ATP8A1: variants seen among roughly 807,000 people sequenced by gnomAD.
ATP8A1 encodes phospholipid-transporting ATPase IA.
ATP8A1 carries 90 observed loss-of-function variants against 177.7 expected under a neutral mutation model. The ratio of observed to expected loss-of-function variants is 0.51; its 90% CI spans 0.43 to 0.60. The LOEUF is 0.60. Among genes scored for constraint, ATP8A1 ranks in the 20% least tolerant of loss-of-function variants. The pLI, the probability that ATP8A1 is intolerant of heterozygous loss-of-function variation, is 0.00. For missense variants in ATP8A1, 1,072 were observed against 1,392.8 expected, an observed-to-expected ratio of 0.77 and a Z score of 3.67; for synonymous variants, 493 against 485.9, an observed-to-expected ratio of 1.01 and a Z score of -0.19.
chr4:42,408,477 C>A lies in ATP8A1; in HGVS notation c.*4439G>T, dbSNP rs1712228485. The A allele has an allele frequency of 1.3e-5, 2 of 152,148 alleles. No individual in the cohort carries two copies. The highest frequency in any genetic ancestry group is 4.8e-5 in the African/African-American group (2 of 41,452). 9.4% of individuals were successfully genotyped at this position (152,148 alleles called of 1,614,324 possible). A position where few individuals can be genotyped will look rare whatever the true frequency, so the allele number is the denominator to read the frequency against. ...GCACATTCACAAAAGGCCAATGACA[C>A]ATAACACTGCATAGAAATAATATTA... is the stretch of plus-strand genomic sequence containing the variant. On this transcript the variant is annotated 3_prime_UTR_variant, in exon 37 of 37. Transcript: ENST00000381668.
At chr4:42,430,850 A>G (rs560908579) in intron 33 of ATP8A1, among the ~76,000 whole-genome samples, 436 of 152,150 alleles carry the variant, frequency 2.9e-3, no homozygotes, top group African/African-American at 8.9e-3. Context: ...GTCTATTTCC[A>G]TCTGGAATTT....
chr4:42,419,525 T>C (rs11726116), intron 35 of ATP8A1, among the ~76,000 whole-genome samples: 57,394 of 152,036 alleles, frequency 0.38, 11,156 homozygotes, highest in African/African-American at 0.46. Flanking sequence ...GAATCTACAT[T>C]GGGTTTGGAA....
intron 20 of ATP8A1, among the ~76,000 whole-genome samples, chr4:42,534,726 A>G (rs6849160): frequency 0.077 from 11,693 of 152,256 alleles, 591 homozygotes; most frequent in African/African-American, 0.14. Flanking sequence ...ATCTAAAGTC[A>G]AGATGAAGAA....
chr4:42,507,729 C>CAAAAAAAAAA (rs34269384), intron 22 of ATP8A1, among the ~76,000 whole-genome samples: 9 of 8,914 alleles, frequency 1.0e-3, no homozygotes, highest in Admixed American at 6.8e-3. Flanking sequence ...GACTCCATCT[C>CAAAAAAAAAA]AAAAAAAAAA....
chr4:42,544,290 G>A (rs898040350), intron 19 of ATP8A1, among the ~76,000 whole-genome samples: 4 of 151,938 alleles, frequency 2.6e-5, no homozygotes, highest in Non-Finnish European at 4.4e-5. Context: ...CAATGTTTTC[G>A]GATTTGAAAA....
intron 24 of ATP8A1, among the ~76,000 whole-genome samples, chr4:42,489,708 C>A (rs2153190161): frequency 6.6e-6 from 1 of 152,148 alleles, no homozygotes; most frequent in South Asian, 2.1e-4. Context: ...ATTTATGAAA[C>A]TTTATTGCTT....
chr4:42,614,830 C>A (rs554122205), intron 5 of ATP8A1, among the ~76,000 whole-genome samples: 2 of 152,254 alleles, frequency 1.3e-5, no homozygotes, highest in East Asian at 3.9e-4. Context: ...TCCTCCTTTC[C>A]CACTCAACCC....
chr4:42,418,188 T>C (rs1019018905), intron 35 of ATP8A1, among the ~76,000 whole-genome samples: 2 of 152,024 alleles, frequency 1.3e-5, no homozygotes, highest in Non-Finnish European at 2.9e-5. Flanking sequence ...TATTCCCTAC[T>C]CTCCCTGCAT....
At chr4:42,636,315 T>C (rs1739387778) in intron 1 of ATP8A1, among the ~76,000 whole-genome samples, 1 of 152,098 alleles carries the variant, frequency 6.6e-6, no homozygotes, top group Non-Finnish European at 1.5e-5. Flanking sequence ...AAAAGAGGCT[T>C]GAAATCCCAT....
chr4:42,612,473 C>G (rs1457078462), intron 5 of ATP8A1, among the ~76,000 whole-genome samples: 1 of 148,848 alleles, frequency 6.7e-6, no homozygotes, highest in Non-Finnish European at 1.5e-5. Context: ...GAGAAGCAGC[C>G]ACAGTGCTCT....
chr4:42,475,548 T>A (rs1044260820), intron 25 of ATP8A1, among the ~76,000 whole-genome samples: 2 of 151,274 alleles, frequency 1.3e-5, no homozygotes, highest in African/African-American at 4.9e-5. Flanking sequence ...GAGAGAAATC[T>A]TTATATATGA....
rs199697654 is a variant in ATP8A1 at position 42,561,200 on chromosome 4, C to CT, written c.1341-5161dup. Among the ~76,000 whole-genome samples, 663 of 152,266 alleles carry CT rather than the reference C, an allele frequency of 4.4e-3. 8 individuals carry two copies. The highest frequency in any genetic ancestry group is 0.015 in the African/African-American group (615 of 41,488). ...TTTTTATCCAGCGTGTGCACGGCTG[C>CT]TGCTCAGGTGGGCCGCGCACTGGGA... On this transcript the variant is annotated intron_variant, in intron 15 of 36. Transcript: ENST00000381668.
chr4:42,498,429 T>C (rs188208611), intron 24 of ATP8A1, among the ~76,000 whole-genome samples: 1 of 152,354 alleles, frequency 6.6e-6, no homozygotes, highest in East Asian at 1.9e-4. Flanking sequence ...AGCAATTCCA[T>C]GAAGGGTTTT....
intron 9 of ATP8A1, 22 bp from the exon 10 acceptor site, chr4:42,581,754 T>A: frequency 6.4e-7 from 1 of 1,553,274 alleles, no homozygotes; most frequent in Non-Finnish European, 8.9e-7. Context: ...TACGTTGACA[T>A]TAGAAACAGT....
At chr4:42,534,688 C>T (rs1481929670) in intron 20 of ATP8A1, among the ~76,000 whole-genome samples, 7 of 152,142 alleles carry the variant, frequency 4.6e-5, no homozygotes, top group Admixed American at 1.3e-4. Context: ...ACAAAAAGAT[C>T]ATCACCTCGG....
chr4:42,603,340 TA>T (rs1313461434), intron 5 of ATP8A1, among the ~76,000 whole-genome samples: 3 of 152,224 alleles, frequency 2.0e-5, no homozygotes, highest in African/African-American at 4.8e-5. Context: ...TCACGAGGGT[TA>T]TTTTTTATTC....
At chr4:42,512,960 A>G (rs1472774352) in intron 22 of ATP8A1, among the ~76,000 whole-genome samples, 1 of 152,240 alleles carries the variant, frequency 6.6e-6, no homozygotes, top group Non-Finnish European at 1.5e-5. Flanking sequence ...CAACAACTTA[A>G]TTATGCTGTG....
intron 1 of ATP8A1, among the ~76,000 whole-genome samples, chr4:42,634,285 T>G (rs912190241): frequency 2.0e-5 from 3 of 152,192 alleles, no homozygotes; most frequent in Admixed American, 2.0e-4. Flanking sequence ...GCCCAAGACA[T>G]GAAAGAAATG....
intron 35 of ATP8A1, among the ~76,000 whole-genome samples, chr4:42,420,091 C>A (rs989943975): frequency 2.0e-5 from 3 of 152,118 alleles, no homozygotes; most frequent in Non-Finnish European, 4.4e-5. Flanking sequence ...CTAAAATAAT[C>A]CAGGGGGTAA....
Sources: allele counts gnomAD v4.1 joint callset (sites outside exome capture counted in the v4.1 genomes callset), GRCh38; gene constraint gnomAD v4.1.1; transcripts MANE v1.5; gene names NCBI Gene and HGNC (gene_info 2026-07-23, HGNC 2026-07-21).